Variants in ESRRB observed in about 807,000 individuals in gnomAD.
ESRRB encodes steroid hormone receptor ERR2.
ESRRB carries 16 observed loss-of-function variants against 46.0 expected under a neutral mutation model. The observed-to-expected ratio is 0.35, with a 90% CI of 0.24 to 0.53. The LOEUF is 0.53. Ranked by LOEUF, ESRRB falls within the 20% of genes least tolerant of loss-of-function variation. The pLI, the probability that ESRRB is intolerant of heterozygous loss-of-function variation, is 0.93. For synonymous variants in ESRRB, 246 were observed against 259.6 expected (o/e 0.95, Z 0.50); for missense variants, 488 against 607.4 (o/e 0.80, Z 2.07).
chr14:76,358,415 A>G lies in ESRRB; in HGVS notation c.2+47499A>G, dbSNP rs191519064. On this transcript the variant is annotated intron_variant, in intron 1 of 6. Coordinates refer to the ESRRB transcript ENST00000512784. ...AGAAAGAAAGAAAGAAAGAAAGAAA[A>G]GAAAAGAAAAAGAAAAAAATGGCAA... Among the ~76,000 whole-genome samples, 499 of 143,902 alleles carry G rather than the reference A, an allele frequency of 3.5e-3. 7 individuals are homozygous for G. The highest frequency in any genetic ancestry group is 9.9e-3 in the African/African-American group (382 of 38,552). The allele number at this position is 143,902 out of a possible 152,430, so 94.4% of individuals were successfully genotyped here.
upstream of ESRRB, among the ~76,000 whole-genome samples, chr14:76,373,896 T>A (rs1226693329): frequency 2.6e-5 from 4 of 152,248 alleles, no homozygotes; most frequent in Non-Finnish European, 5.9e-5. Flanking sequence ...CACTTTCTCC[T>A]CATTTGCTCC....
chr14:76,355,187 C>T (rs992719364), intron 1 of ESRRB, among the ~76,000 whole-genome samples: 3 of 152,142 alleles, frequency 2.0e-5, no homozygotes, highest in Admixed American at 6.5e-5. Context: ...TGGCCAGAGG[C>T]GGTAGAGACC....
At chr14:76,446,037 G>A (rs566147294) in intron 2 of ESRRB, among the ~76,000 whole-genome samples, 5 of 152,172 alleles carry the variant, frequency 3.3e-5, no homozygotes, top group South Asian at 2.1e-4. Flanking sequence ...GTACAATGGC[G>A]GGGGAGGGAA....
rs544724385 is a variant in ESRRB at position 76,325,156 on chromosome 14, G to C, written c.2+14240G>C. 1.6e-4 allele frequency among the ~76,000 whole-genome samples: 24 copies of C among 151,796 alleles called. 1 individual carries two copies. The highest frequency in any genetic ancestry group is 5.1e-4 in the African/African-American group (21 of 41,382). ...ATTTTTGTATTTTTGGTAGAAACAGGGTTTCACCATGTTGGTGGAGGTCTC... is the reference window on the plus strand; with the variant it reads ...ATTTTTGTATTTTTGGTAGAAACAGCGTTTCACCATGTTGGTGGAGGTCTC... On this transcript the variant is annotated intron_variant, in intron 1 of 6. Coordinates refer to the ESRRB transcript ENST00000512784.
At chr14:76,371,680 G>A (rs536389305), upstream of ESRRB, 6 of 152,230 alleles carry the variant, frequency 3.9e-5, no homozygotes, top group Admixed American at 2.0e-4. Context: ...GAGGGACAGG[G>A]ATGGCATAAA....
At chr14:76,348,844 T>C (rs1884280444) in intron 1 of ESRRB, among the ~76,000 whole-genome samples, 1 of 152,160 alleles carries the variant, frequency 6.6e-6, no homozygotes, top group South Asian at 2.1e-4. Flanking sequence ...AAGTCCCCTT[T>C]TGCCTAGGAA....
chr14:76,444,352 C>T (rs151245913), intron 2 of ESRRB, among the ~76,000 whole-genome samples: 1 of 151,866 alleles, frequency 6.6e-6, no homozygotes, highest in East Asian at 1.9e-4. Context: ...TGTTTCTAAA[C>T]GTAGCAACTG....
chr14:76,329,873 G>C (rs1457763000), intron 1 of ESRRB, among the ~76,000 whole-genome samples: 9 of 152,032 alleles, frequency 5.9e-5, no homozygotes, highest in South Asian at 2.1e-4. Context: ...AGGGATGTGC[G>C]GGGGGGATAA....
At chr14:76,311,572 G>A (rs1883734802) in intron 1 of ESRRB, among the ~76,000 whole-genome samples, 1 of 152,216 alleles carries the variant, frequency 6.6e-6, no homozygotes, top group African/African-American at 2.4e-5. Context: ...CTTACAGGCT[G>A]TCATTGGCTC....
intron 2 of ESRRB, among the ~76,000 whole-genome samples, chr14:76,447,444 C>T (rs1463791623): frequency 6.6e-6 from 1 of 152,118 alleles, no homozygotes; most frequent in East Asian, 1.9e-4. Context: ...CTTCTCATAT[C>T]CATGGCTTCA....
rs571364782 is a variant in ESRRB, at chr14:76,331,899, T to C, written c.2+20983T>C. 9.3e-3 allele frequency among the ~76,000 whole-genome samples: 378 copies of C among 40,476 alleles called. 2 individuals carry two copies. The highest frequency in any genetic ancestry group is 0.02 in the African/African-American group (366 of 18,626). The allele number at this position is 40,476 out of a possible 152,430, so 26.6% of individuals were successfully genotyped here. A position where few individuals can be genotyped will look rare whatever the true frequency, so the allele number is the denominator to read the frequency against. On this transcript the variant is annotated intron_variant, in intron 1 of 6. Coordinates refer to the ESRRB transcript ENST00000512784. ...GGTCTGGCCCAAAGAACTGAGTTAA[T>C]AGAAGTCCAGGTGCCCAGCGCCCAG...
intron 1 of ESRRB, among the ~76,000 whole-genome samples, chr14:76,331,575 G>A (rs933150465): frequency 1.3e-5 from 2 of 152,170 alleles, no homozygotes; most frequent in African/African-American, 4.8e-5. Context: ...CTGGGAAATG[G>A]AATGGAGAAG....
At position 76,360,308 on chromosome 14, in the gene ESRRB, A is replaced by G. The variant is rs375461305; in HGVS notation, c.2+49392A>G. ...CTAGGGTTCCTAGTGGAACCACTGGATTTCCTCCCTCTCCATGAACTCCAA... is the reference window on the plus strand; with the variant it reads ...CTAGGGTTCCTAGTGGAACCACTGGGTTTCCTCCCTCTCCATGAACTCCAA... On this transcript the variant is annotated intron_variant, in intron 1 of 6. Transcript: ENST00000512784. Among the ~76,000 whole-genome samples, 246 of 152,140 alleles carry G rather than the reference A, an allele frequency of 1.6e-3. 4 individuals carry two copies. In the South Asian group the frequency reaches 0.049, roughly 30 times the overall value.
At chr14:76,453,528 T>G (rs541723401) in intron 2 of ESRRB, among the ~76,000 whole-genome samples, 83 of 152,268 alleles carry the variant, frequency 5.5e-4, no homozygotes, top group Non-Finnish European at 1.1e-3. Flanking sequence ...AACCAATCTG[T>G]TTTTCTCGTA....
chr14:76,487,640 G>T (rs1210148214), intron 5 of ESRRB, among the ~76,000 whole-genome samples: 3 of 150,610 alleles, frequency 2.0e-5, no homozygotes, highest in Non-Finnish European at 4.4e-5. Flanking sequence ...ATCTCGCTTT[G>T]TCACCCAGGC....
chr14:76,498,224 C>G lies in ESRRB; in HGVS notation c.1131C>G (p.Tyr377Ter), dbSNP rs1890507239. Residue 377 changes from tyrosine (Y) to a stop codon, truncating the protein, a stop_gained, in exon 7 of 7, where the codon TAC becomes TAG. Coordinates refer to ENST00000644823, the MANE Select transcript of ESRRB (RefSeq NM_001379180.1). LOFTEE classifies it high-confidence loss of function. ...TCCTTGTGCCTGCAGATTCCATGTA[C>G]ATCGAGGATCTAGAGGCTGTCCAGA... ...ALALANSDSM[Y>*]IEDLEAVQKL... 1 of 1,613,880 alleles carries G rather than the reference C, an allele frequency of 6.2e-7. No homozygotes were observed. The highest frequency in any genetic ancestry group is 8.5e-7 in the Non-Finnish European group (1 of 1,180,020).
Position 76,501,479 on chromosome 14 carries a change from G to C in ESRRB, c.*3021G>C, listed in dbSNP as rs1290314313. On this transcript the variant is annotated 3_prime_UTR_variant, in exon 7 of 7. Coordinates refer to ENST00000644823, the MANE Select transcript of ESRRB (RefSeq NM_001379180.1). ...ACCTGCACCCACCTGTGTCGGTGGGGGGGGCCTCCTTTCCCCATAGACTCT... is the reference window on the plus strand; with the variant it reads ...ACCTGCACCCACCTGTGTCGGTGGGCGGGGCCTCCTTTCCCCATAGACTCT... The C allele has an allele frequency of 6.6e-6, 1 of 152,186 alleles. No homozygotes were observed. The highest frequency in any genetic ancestry group is 2.4e-5 in the African/African-American group (1 of 41,398). 9.4% of individuals were successfully genotyped at this position (152,186 alleles called of 1,614,324 possible).
intron 1 of ESRRB, among the ~76,000 whole-genome samples, chr14:76,358,330 AGAAAGAAAGAAAGAAAGAAAGAAAGAAAG>A (rs1884414939): frequency 1.5e-4 from 2 of 13,742 alleles, no homozygotes; most frequent in African/African-American, 4.2e-4. Flanking sequence ...AAAAAAAGAA[AGAAAGAAAGAAAGAAAGAAAGAAAGAAAG>A]AAAGAAAGAA....
intron 1 of ESRRB, among the ~76,000 whole-genome samples, chr14:76,341,437 C>T (rs563474975): frequency 6.6e-6 from 1 of 152,384 alleles, no homozygotes; most frequent in African/African-American, 2.4e-5. Context: ...TGGAAGCCCT[C>T]AGGTTTCACC....
Sources: allele counts gnomAD v4.1 joint callset (sites outside exome capture counted in the v4.1 genomes callset), GRCh38; gene constraint gnomAD v4.1.1; transcripts MANE v1.5; gene names NCBI Gene and HGNC (gene_info 2026-07-23, HGNC 2026-07-21).